The following MYH3 variants were observed in gnomAD, a reference collection of about 807,000 sequenced individuals.
MYH3 encodes myosin-3.
A neutral mutation model predicts 238.0 loss-of-function variants in MYH3; 130 were observed. The observed-to-expected ratio is 0.55, with a 90% CI of 0.47 to 0.63. The LOEUF (loss-of-function observed/expected upper bound fraction) is 0.63, where lower values mean the gene tolerates loss of function less well. Among genes scored for constraint, MYH3 ranks in the 30% least tolerant of loss-of-function variants. The probability of loss-of-function intolerance (pLI) is 0.00; values close to 1 mark genes in which losing one functional copy is unlikely to be tolerated. For synonymous variants in MYH3, 880 were observed against 924.1 expected, an observed-to-expected ratio of 0.95 and a Z score of 0.86; for missense variants, 1,853 against 2,374.9, an observed-to-expected ratio of 0.78 and a Z score of 4.57.
the MYH3 span, among the ~76,000 whole-genome samples, chr17:10,663,807 A>C: frequency 1.3e-5 from 2 of 152,282 alleles, no homozygotes; most frequent in Non-Finnish European, 1.5e-5. Context: ...TCACACCTGT[A>C]ATCCCAGCAC....
intron 17 of MYH3, among the ~76,000 whole-genome samples, chr17:10,641,901 C>G (rs1024679749): frequency 3.9e-5 from 6 of 152,116 alleles, no homozygotes; most frequent in African/African-American, 1.2e-4. Context: ...GCCAGAGGCT[C>G]GCCAAGTACA....
rs2074162095 is a variant in MYH3, at chr17:10,631,837, C to G, written c.5136G>C (p.Glu1712Asp). 6.2e-7 allele frequency: 1 copy of G among 1,614,174 alleles called. No individual in the cohort carries two copies. The highest frequency in any genetic ancestry group is 1.1e-5 in the South Asian group (1 of 91,084). ...LAEQELLDSN[E>D]RVQLLHTQNT... The stretch of plus-strand genomic sequence containing the variant: ...CCTGGGTATGCAGCAGCTGCACCCT[C>G]TCGTTGGAGTCCAGGAGCTCCTGTT... Residue 1712 changes from glutamate (E) to aspartate (D), a missense_variant, in exon 35 of 41, where the codon GAG becomes GAC. Transcript: ENST00000583535.
upstream of MYH3, among the ~76,000 whole-genome samples, chr17:10,661,443 G>A (rs1387557809): frequency 6.6e-6 from 1 of 152,048 alleles, no homozygotes; most frequent in African/African-American, 2.4e-5. Flanking sequence ...ATGACTTAGT[G>A]GCATATTATT....
chr17:10,637,938 G>A lies in MYH3; in HGVS notation c.3730-3C>T. 1 of 1,614,172 alleles carries A rather than the reference G, an allele frequency of 6.2e-7. No homozygotes were observed. The highest frequency in any genetic ancestry group is 8.5e-7 in the Non-Finnish European group (1 of 1,180,028). ...CGGCAGATTTTTTCCAGATTTGCCT[G>A]AAGGATTCAGAAAGGGGAGCAAAGT... On this transcript the variant is annotated splice_region_variant and splice_polypyrimidine_tract_variant and intron_variant, in intron 27 of 40. Transcript: ENST00000583535.
At position 10,654,237 on chromosome 17, in the gene MYH3, CT is replaced by C. The variant is rs1344000130; in HGVS notation, c.204+623del. ...TCCCTCCATCTCTCTTTCACTCTTT[CT>C]TTCTTTTTTCCTTTTTTTGCTTTTT... On this transcript the variant is annotated intron_variant, in intron 3 of 40. Transcript: ENST00000583535. The surrounding 1 kb of genome is among the most constrained non-coding windows in gnomAD (Gnocchi z 4.5). 2.7e-5 allele frequency among the ~76,000 whole-genome samples: 4 copies of C among 149,460 alleles called. No individual in the cohort carries two copies. The highest frequency in any genetic ancestry group is 5.9e-5 in the Non-Finnish European group (4 of 67,588).
chr17:10,645,588 G>T, intron 12 of MYH3, 119 bp downstream of exon 12: 3 of 1,311,056 alleles, frequency 2.3e-6, no homozygotes, highest in Non-Finnish European at 3.3e-6. Context: ...CTCCCAAAGT[G>T]CTGGGATTAC....
At position 10,629,446 on chromosome 17, in the gene MYH3, C is replaced by T. The variant is rs900281129; in HGVS notation, c.5796+151G>A. The T allele has an allele frequency of 4.4e-6, 4 of 914,288 alleles. No homozygotes were observed. The South Asian group carries it at 6.7e-5, about 15-fold the overall frequency. 56.6% of individuals were successfully genotyped at this position (914,288 alleles called of 1,614,324 possible). A position where few individuals can be genotyped will look rare whatever the true frequency, so the allele number is the denominator to read the frequency against. On this transcript the variant is annotated intron_variant, in intron 40 of 40. Coordinates refer to ENST00000583535, the MANE Select transcript of MYH3 (RefSeq NM_002470.4). ...TGTGACTCACAGACCAGGATTCTAG[C>T]GAGGGTCCAGTCAGCTAAGTGACTT...
In MYH3 at chr17:10,655,089, C is replaced by G. The variant is rs1299123188; in HGVS notation, c.-8-17G>C. The G allele has an allele frequency of 6.2e-7, 1 of 1,608,234 alleles. No homozygotes were observed. On this transcript the variant is annotated splice_polypyrimidine_tract_variant and intron_variant, in intron 2 of 40. Transcript: ENST00000583535. ...TGGTGTCAGCTGGAAGGCAAACCCA[C>G]CCGGTGAGCTCAGCAGCCCCCTTGC...
chr17:10,638,088 C>G lies in MYH3; in HGVS notation c.3684G>C (p.Glu1228Asp), dbSNP rs1203770918. ...LEKEKSEFKL[E>D]IDDLSSSMES... ...CCATGCTGCTGGAGAGGTCATCGATCTCCAGCTTGAACTCGCTCTTCTCCT... is the reference window on the plus strand; with the variant it reads ...CCATGCTGCTGGAGAGGTCATCGATGTCCAGCTTGAACTCGCTCTTCTCCT... The change falls in exon 27 of 41, where the codon GAG (glutamate) becomes GAC (aspartate). Residue 1228 changes from glutamate (E) to aspartate (D), a missense_variant. Glu to Asp is a conservative substitution (Grantham distance 45, BLOSUM62 2). This residue lies in a region of MYH3 where 1,044 missense variants were observed against 1,192.6 expected (regional missense o/e 0.88). Transcript: ENST00000583535. 1 of 1,613,878 alleles carries G rather than the reference C, an allele frequency of 6.2e-7. No homozygotes were observed. The highest frequency in any genetic ancestry group is 2.2e-5 in the East Asian group (1 of 44,838).
chr17:10,662,954 G>T, the MYH3 span, among the ~76,000 whole-genome samples: 1 of 152,104 alleles, frequency 6.6e-6, no homozygotes, highest in Non-Finnish European at 1.5e-5. Context: ...GGGTGTGGTG[G>T]TGGGTTCCTG....
At chr17:10,652,682 T>C (rs1228243811) in intron 3 of MYH3, 119 bp from the exon 4 acceptor site, 4 of 1,143,588 alleles carry the variant, frequency 3.5e-6, no homozygotes, top group Non-Finnish European at 2.4e-6. Flanking sequence ...AGTGCAGTGA[T>C]GCGATCTCGG....
intron 5 of MYH3, 120 bp downstream of exon 5, chr17:10,651,389 CCTT>C: frequency 3.8e-6 from 6 of 1,561,604 alleles, no homozygotes; most frequent in Non-Finnish European, 5.3e-6. Flanking sequence ...TCTTTTGGCT[CCTT>C]CTTCCTCCTT....
At position 10,631,683 on chromosome 17, in the gene MYH3, G is replaced by A; in HGVS notation, c.5214C>T (p.Leu1738=). The A allele has an allele frequency of 1.9e-6, 3 of 1,614,110 alleles. No individual in the cohort carries two copies. Among genetic ancestry groups the A allele is most frequent in the Non-Finnish European group, 2.5e-6 (3 of 1,180,014 alleles). The change falls in exon 36 of 41, where the codon CTC becomes CTT. Residue 1738 remains leucine, a synonymous_variant. Transcript: ENST00000583535. ...TGCTGGCATCTTCTACCTCACTCTG[G>A]AGCTGCATGAGGTCTGTCTCCAGCT... The part of the protein sequence containing the change: ...KKKLETDLMQ[L]QSEVEDASRD...
At chr17:10,649,749 G>A (rs2074357382) in intron 6 of MYH3, 64 bp from the exon 7 acceptor site, 1 of 1,420,904 alleles carries the variant, frequency 7.0e-7, no homozygotes. Context: ...GGCTTTTCAG[G>A]ATGTCATACT....
intron 31 of MYH3, among the ~76,000 whole-genome samples, chr17:10,634,501 T>C (rs2074194986): frequency 6.6e-6 from 1 of 152,152 alleles, no homozygotes; most frequent in Non-Finnish European, 1.5e-5. Flanking sequence ...CAATCAACTT[T>C]ATCTGCCATC....
chr17:10,671,783 G>A, the MYH3 span, among the ~76,000 whole-genome samples: 93 of 151,928 alleles, frequency 6.1e-4, no homozygotes, highest in Admixed American at 1.4e-3. Context: ...GTTTCACTGT[G>A]TTAGCCAGGA....
intron 8 of MYH3, 69 bp downstream of exon 8, chr17:10,648,488 T>C: frequency 1.5e-6 from 2 of 1,311,054 alleles, no homozygotes; most frequent in African/African-American, 2.9e-5. Flanking sequence ...CTACACTCTT[T>C]GAGGACAGGG....
intron 14 of MYH3, among the ~76,000 whole-genome samples, chr17:10,643,785 T>C (rs1413182717): frequency 6.6e-6 from 1 of 152,232 alleles, no homozygotes; most frequent in African/African-American, 2.4e-5. Flanking sequence ...AATCAGTGAT[T>C]GCATTTAATT....
chr17:10,656,508 G>T (rs1268775594), intron 1 of MYH3, among the ~76,000 whole-genome samples: 2 of 146,742 alleles, frequency 1.4e-5, no homozygotes, highest in African/African-American at 5.2e-5. Context: ...TTGCACTCCA[G>T]CCTGGGCGAC....
Sources: gnomAD v4.1 joint callset for allele counts (sites outside exome capture counted in the v4.1 genomes callset) on GRCh38, gnomAD v4.1.1 for gene constraint, gnomAD v4.1.1 regional missense constraint, Gnocchi (gnomAD v3.1) non-coding constraint, MANE v1.5 for transcripts, NCBI Gene and HGNC (gene_info 2026-07-23, HGNC 2026-07-21) for gene names.